Variants in TNNI3K observed in about 807,000 individuals in gnomAD.
TNNI3K encodes TNNI3 interacting kinase.
TNNI3K carries 140 observed loss-of-function variants against 114.5 expected under a neutral mutation model. The observed-to-expected ratio is 1.22, with a 90% CI of 1.07 to 1.41. TNNI3K has a LOEUF of 1.41. TNNI3K is among the 40% of genes most tolerant of loss of function. The pLI, the probability that TNNI3K is intolerant of heterozygous loss-of-function variation, is 0.00. For missense variants in TNNI3K, 1,125 were observed against 1,007.6 expected (o/e 1.12, Z -1.58); for synonymous variants, 347 against 347.5 (o/e 1.00, Z 0.02).
At chr1:74,532,959 G>A (rs575849298) in intron 23 of TNNI3K, among the ~76,000 whole-genome samples, 1 of 152,126 alleles carries the variant, frequency 6.6e-6, no homozygotes, top group East Asian at 1.9e-4. Flanking sequence ...AACCATAAAA[G>A]CCCTAGAATA....
At chr1:74,456,709 C>A (rs1289158438) in intron 20 of TNNI3K, among the ~76,000 whole-genome samples, 1 of 152,160 alleles carries the variant, frequency 6.6e-6, no homozygotes, top group African/African-American at 2.4e-5. Context: ...AGATTTAACT[C>A]TGTGTCCTGG....
intron 21 of TNNI3K, chr1:74,472,036 G>C (rs746669235): frequency 7.5e-5 from 53 of 708,710 alleles, no homozygotes; most frequent in Non-Finnish European, 1.0e-5. Context: ...AGGCTTGGAT[G>C]ATGAGCTTGT....
intron 4 of TNNI3K, among the ~76,000 whole-genome samples, chr1:74,263,901 T>C (rs955372540): frequency 6.6e-6 from 1 of 151,980 alleles, no homozygotes; most frequent in Non-Finnish European, 1.5e-5. Context: ...CATTATGCCT[T>C]TTCAAGTAGC....
intron 23 of TNNI3K, among the ~76,000 whole-genome samples, chr1:74,493,494 T>A (rs768534208): frequency 4.6e-5 from 7 of 152,208 alleles, no homozygotes; most frequent in Non-Finnish European, 8.8e-5. Context: ...TCCCAATAGA[T>A]AGTCTCTTTG....
At chr1:74,237,173 A>G (rs762821896) in intron 2 of TNNI3K, among the ~76,000 whole-genome samples, 14 of 151,966 alleles carry the variant, frequency 9.2e-5, no homozygotes, top group Non-Finnish European at 1.8e-4. Context: ...CAAGTGTTCA[A>G]CTTATGGTTC....
At chr1:74,298,920 A>G (rs1405888247) in intron 5 of TNNI3K, among the ~76,000 whole-genome samples, 2 of 152,152 alleles carry the variant, frequency 1.3e-5, no homozygotes, top group Non-Finnish European at 2.9e-5. Flanking sequence ...TGGCAGATTT[A>G]TTGTTGATCT....
intron 9 of TNNI3K, among the ~76,000 whole-genome samples, chr1:74,350,086 C>T (rs1223951264): frequency 6.6e-6 from 1 of 152,104 alleles, no homozygotes; most frequent in Non-Finnish European, 1.5e-5. Flanking sequence ...TTAGATCTTT[C>T]CTGCTTTCTC....
intron 20 of TNNI3K, among the ~76,000 whole-genome samples, chr1:74,441,316 T>A (rs1403394598): frequency 6.6e-6 from 1 of 152,142 alleles, no homozygotes; most frequent in Non-Finnish European, 1.5e-5. Flanking sequence ...TATATACCAA[T>A]GTCATATAAA....
chr1:74,264,166 T>G (rs1570391137), intron 4 of TNNI3K, among the ~76,000 whole-genome samples: 1 of 149,164 alleles, frequency 6.7e-6, no homozygotes, highest in East Asian at 2.0e-4. Flanking sequence ...CTTTTTTTCT[T>G]TTTTTTTTTC....
At chr1:74,442,019 T>C (rs555417857) in intron 20 of TNNI3K, among the ~76,000 whole-genome samples, 1 of 152,098 alleles carries the variant, frequency 6.6e-6, no homozygotes, top group East Asian at 1.9e-4. Flanking sequence ...CTAAAAATAT[T>C]TTTGCCTTAC....
chr1:74,532,981 T>A lies in TNNI3K; in HGVS notation c.2352-7253T>A, dbSNP rs555127907. On this transcript the variant is annotated intron_variant, in intron 23 of 24. Transcript: ENST00000326637. ...AAAGCCCTAGAATAAAACCTAGGCA[T>A]TACCATTCAGGACATAGGCATGGGC... Among the ~76,000 whole-genome samples the A allele has an allele frequency of 1.7e-3, 252 of 152,228 alleles. 1 individual carries two copies. The highest frequency in any genetic ancestry group is 5.6e-3 in the African/African-American group (234 of 41,536).
Position 74,235,399 on chromosome 1 carries a change from G to C in TNNI3K, c.-53G>C. 1 of 1,274,864 alleles carries C rather than the reference G, an allele frequency of 7.8e-7. No individual in the cohort carries two copies. The highest frequency in any genetic ancestry group is 1.5e-5 in the African/African-American group (1 of 65,154). 79.0% of individuals were successfully genotyped at this position (1,274,864 alleles called of 1,614,324 possible). A position where few individuals can be genotyped will look rare whatever the true frequency, so the allele number is the denominator to read the frequency against. On this transcript the variant is annotated 5_prime_UTR_variant, in exon 1 of 25. Transcript: ENST00000326637. ...CTGGACTGTCACTGCACTTGAACTT[G>C]GAATCTTATAACTTGAAGAACTGCC...
rs536071202 is a variant in TNNI3K at position 74,516,286 on chromosome 1, C to T, written c.2352-23948C>T. Among the ~76,000 whole-genome samples, 7 of 152,262 alleles carry T rather than the reference C, an allele frequency of 4.6e-5. No individual in the cohort carries two copies. In the South Asian group the frequency reaches 1.2e-3, roughly 27 times the overall value. On this transcript the variant is annotated intron_variant, in intron 23 of 24. Transcript: ENST00000326637. ...ATCCATTTGTTTGTTCACTCATCTG[C>T]TCAATCACTATTTACTTGGATGGGG...
Position 74,510,158 on chromosome 1 carries a change from C to A in TNNI3K, c.2351+17892C>A, listed in dbSNP as rs201398698. Among the ~76,000 whole-genome samples, 9 of 130,686 alleles carry A rather than the reference C, an allele frequency of 6.9e-5. No individual in the cohort carries two copies. In the South Asian group the frequency reaches 2.1e-3, roughly 31 times the overall value. The allele number at this position is 130,686 out of a possible 152,430, so 85.7% of individuals were successfully genotyped here. The stretch of plus-strand genomic sequence containing the variant: ...GATGTTTAACTACATTTCTTACCCC[C>A]TGATTTTTACTTCCTGAGATCAGTA... On this transcript the variant is annotated intron_variant, in intron 23 of 24. Transcript: ENST00000326637.
intron 17 of TNNI3K, among the ~76,000 whole-genome samples, chr1:74,427,831 A>G (rs1665707881): frequency 6.6e-6 from 1 of 152,154 alleles, no homozygotes; most frequent in Non-Finnish European, 1.5e-5. Flanking sequence ...ACTTGCTCAT[A>G]GAAACCTCAG....
At chr1:74,512,205 G>A (rs1188486284) in intron 23 of TNNI3K, among the ~76,000 whole-genome samples, 1 of 152,178 alleles carries the variant, frequency 6.6e-6, no homozygotes, top group East Asian at 1.9e-4. Flanking sequence ...CTGCAGCTGT[G>A]TTTACTGTCA....
At chr1:74,247,236 C>T (rs1017296311) in intron 2 of TNNI3K, among the ~76,000 whole-genome samples, 9 of 151,986 alleles carry the variant, frequency 5.9e-5, no homozygotes, top group East Asian at 1.9e-4. Flanking sequence ...GTGAAGCCGC[C>T]GACCTTCGCA....
intron 5 of TNNI3K, among the ~76,000 whole-genome samples, chr1:74,277,738 C>A (rs1656770349): frequency 6.6e-6 from 1 of 152,202 alleles, no homozygotes; most frequent in African/African-American, 2.4e-5. Context: ...AGGCATGCAG[C>A]AAACATGTAA....
Position 74,343,170 on chromosome 1 carries a change from C to T in TNNI3K, c.923C>T (p.Ala308Val). 6.2e-7 allele frequency: 1 copy of T among 1,610,982 alleles called. No individual in the cohort carries two copies. The highest frequency in any genetic ancestry group is 8.5e-7 in the Non-Finnish European group (1 of 1,178,630). ...LTKENIFSET[A>V]FHSACTYGKS... ...AAGGAAAACATCTTCAGTGAAACAGCTTTTCATAGGTAAAAGAATATTTAA... is the reference window on the plus strand; with the variant it reads ...AAGGAAAACATCTTCAGTGAAACAGTTTTTCATAGGTAAAAGAATATTTAA... Residue 308 changes from alanine to valine, a missense_variant, in exon 9 of 25, where the codon GCT (alanine) becomes GTT (valine). Transcript: ENST00000326637.
Sources: allele counts gnomAD v4.1 joint callset (sites outside exome capture counted in the v4.1 genomes callset), GRCh38; gene constraint gnomAD v4.1.1; transcripts MANE v1.5; gene names NCBI Gene and HGNC (gene_info 2026-07-23, HGNC 2026-07-21).